ACADSB: variants seen among roughly 807,000 people sequenced by gnomAD.
ACADSB encodes short/branched chain specific acyl-CoA dehydrogenase, mitochondrial.
A neutral mutation model predicts 54.1 loss-of-function variants in ACADSB; 40 were observed. That is an observed-to-expected ratio of 0.74 (90% CI 0.57 to 0.96). The LOEUF (loss-of-function observed/expected upper bound fraction) is 0.96. Among genes scored for constraint, ACADSB ranks in the 40% least tolerant of loss-of-function variants. The pLI is 0.00. For missense variants in ACADSB, 530 were observed against 510.4 expected (o/e 1.04, Z -0.37); for synonymous variants, 182 against 182.8 (o/e 1.00, Z 0.03).
chr10:123,041,135 T>C (rs1215441051), intron 4 of ACADSB, 74 bp from the exon 5 acceptor site: 14 of 1,493,468 alleles, frequency 9.4e-6, no homozygotes, highest in Admixed American at 1.7e-5. Flanking sequence ...CAAATGTCCA[T>C]TTTTCCATAA....
intron 1 of ACADSB, among the ~76,000 whole-genome samples, chr10:123,030,174 A>G (rs1449982185): frequency 6.6e-6 from 1 of 152,160 alleles, no homozygotes; most frequent in Admixed American, 6.5e-5. Context: ...TACTATCACT[A>G]AATTGTCCAA....
chr10:123,030,806 G>C (rs1157793405), intron 1 of ACADSB, among the ~76,000 whole-genome samples: 1 of 152,138 alleles, frequency 6.6e-6, no homozygotes, highest in African/African-American at 2.4e-5. Context: ...ACATTCCACA[G>C]TCAGGAGTTC....
chr10:123,029,421 G>T (rs1430447068), intron 1 of ACADSB, among the ~76,000 whole-genome samples: 1 of 151,496 alleles, frequency 6.6e-6, no homozygotes, highest in Non-Finnish European at 1.5e-5. Context: ...CCTCTCCTCA[G>T]ATACAACCTC....
chr10:123,013,112 A>G (rs1208115610), intron 1 of ACADSB, among the ~76,000 whole-genome samples: 2 of 152,204 alleles, frequency 1.3e-5, no homozygotes, highest in Admixed American at 6.5e-5. Context: ...TTAGCTAGAC[A>G]TAAAGATTCT....
rs1467289595 is a variant in ACADSB at position 123,047,252 on chromosome 10, ATAT to A, written c.947_949del (p.Ile316del). On this transcript the variant is annotated inframe_deletion, in exon 8 of 11. Coordinates refer to ENST00000358776, the MANE Select transcript of ACADSB (RefSeq NM_001609.4). ...GGATGTTTTGACTACACTATTCCAT[ATAT>A]TAAAGAAAGGATACAATTTGGCAAA... The A allele has an allele frequency of 2.5e-6, 4 of 1,609,444 alleles. No individual in the cohort carries two copies. In the African/African-American group the frequency reaches 5.3e-5, roughly 22 times the overall value.
At chr10:123,028,755 G>A (rs1477590231) in intron 1 of ACADSB, among the ~76,000 whole-genome samples, 1 of 152,122 alleles carries the variant, frequency 6.6e-6, no homozygotes, top group Non-Finnish European at 1.5e-5. Context: ...TTTTTGCTGG[G>A]CATAATGGCT....
rs1422819872 is a variant in ACADSB, at chr10:123,053,047, C to T, written c.1129-14C>T. On this transcript the variant is annotated splice_polypyrimidine_tract_variant and intron_variant, in intron 9 of 10. Transcript: ENST00000358776. ...ATGTGGTTTCAGTGTGTGATTTGCA[C>T]TTGCTTTTGGTAGATTGCAGGACAA... 6 of 1,607,944 alleles carry T rather than the reference C, an allele frequency of 3.7e-6. No individual in the cohort carries two copies. Among genetic ancestry groups the T allele is most frequent in the Non-Finnish European group, 5.1e-6 (6 of 1,174,694 alleles).
At chr10:123,025,709 A>G (rs933880628) in intron 1 of ACADSB, among the ~76,000 whole-genome samples, 3 of 152,210 alleles carry the variant, frequency 2.0e-5, no homozygotes, top group Admixed American at 2.0e-4. Context: ...AGAAATACAA[A>G]TGGTTTGTAG....
intron 10 of ACADSB, 53 bp from the exon 11 acceptor site, chr10:123,053,642 G>A (rs572646316): frequency 6.7e-7 from 1 of 1,482,502 alleles, no homozygotes; most frequent in East Asian, 2.3e-5. Context: ...GCTATTTCTT[G>A]TCTTAACCAT....
At position 123,041,391 on chromosome 10, in the gene ACADSB, A is replaced by T. The variant is rs943499137; in HGVS notation, c.681+12A>T. 6 of 1,614,040 alleles carry T rather than the reference A, an allele frequency of 3.7e-6. No homozygotes were observed. In the Admixed American group the frequency reaches 1.0e-4, roughly 27 times the overall value. On this transcript the variant is annotated intron_variant, in intron 5 of 10. Coordinates refer to ENST00000358776, the MANE Select transcript of ACADSB (RefSeq NM_001609.4). ...TAGACCCTACCATTGTAAGTTTGAA[A>T]ACGAAATTTCTTTCTTTTTCCAAAC...
At position 123,052,636 on chromosome 10, in the gene ACADSB, C is replaced by G; in HGVS notation, c.1129-425C>G. 3.8e-6 allele frequency: 1 copy of G among 265,246 alleles called. No homozygotes were observed. Among genetic ancestry groups the G allele is most frequent in the Middle Eastern group, 1.4e-3 (1 of 708 alleles). The allele number at this position is 265,246 out of a possible 1,614,324, so 16.4% of individuals were successfully genotyped here. On this transcript the variant is annotated intron_variant, in intron 9 of 10. Transcript: ENST00000358776. This position sits in a 1 kb window ranked among gnomAD's most constrained non-coding sequence, Gnocchi z 4.2. Reference sequence around the variant, plus strand: ...GGGCCATTCTGCAGGGTCTCTCGCTCCTCCATTCTCTTTTCACATTTCACC... The same window carrying G: ...GGGCCATTCTGCAGGGTCTCTCGCTGCTCCATTCTCTTTTCACATTTCACC...
rs556038187 is a variant in ACADSB, at chr10:123,027,710, G to A, written c.43-6646G>A. The stretch of plus-strand genomic sequence containing the variant: ...CCCCTTGTTCCCATACAACGGGTGT[G>A]TATGGCCCCTTGGCAGATATCAATC... On this transcript the variant is annotated intron_variant, in intron 1 of 10. Transcript: ENST00000358776. 415 of 310,932 alleles carry A rather than the reference G, an allele frequency of 1.3e-3. 4 individuals carry two copies. Among genetic ancestry groups the A allele is most frequent in the Non-Finnish European group, 3.6e-4 (54 of 151,468 alleles). 19.3% of individuals were successfully genotyped at this position (310,932 alleles called of 1,614,324 possible).
rs761460424 is a variant in ACADSB at position 123,034,345 on chromosome 10, G to A, written c.43-11G>A. The A allele has an allele frequency of 1.9e-6, 3 of 1,612,932 alleles. No individual in the cohort carries two copies. Among genetic ancestry groups the A allele is most frequent in the Non-Finnish European group, 2.5e-6 (3 of 1,179,468 alleles). On this transcript the variant is annotated splice_polypyrimidine_tract_variant and intron_variant, in intron 1 of 10. Coordinates refer to ENST00000358776, the MANE Select transcript of ACADSB (RefSeq NM_001609.4). ...AAGTACCTTTCTTTCATGTGTGTAT[G>A]TTCCCTACAGCTAAGAAGAAATTTC... is the stretch of plus-strand genomic sequence containing the variant.
chr10:123,038,924 A>G (rs1008847172), intron 3 of ACADSB, among the ~76,000 whole-genome samples: 1 of 152,152 alleles, frequency 6.6e-6, no homozygotes, highest in Non-Finnish European at 1.5e-5. Flanking sequence ...GGCTTCTGGG[A>G]GCAGTCTCAC....
chr10:123,044,093 T>TG lies in ACADSB; in HGVS notation c.808-293dup, dbSNP rs67240350. Among the ~76,000 whole-genome samples, 15 of 151,862 alleles carry TG rather than the reference T, an allele frequency of 9.9e-5. 1 individual carries two copies. The highest frequency in any genetic ancestry group is 1.8e-4 in the Non-Finnish European group (12 of 67,960). On this transcript the variant is annotated intron_variant, in intron 6 of 10. Transcript: ENST00000358776. ...CACACTGTAGCCTACAGATAAGAAT[T>TG]GGGGGGGAAAAGTATTAATTTATGT...
At chr10:123,039,938 T>C (rs1290739435) in intron 3 of ACADSB, among the ~76,000 whole-genome samples, 1 of 152,242 alleles carries the variant, frequency 6.6e-6, no homozygotes, top group Non-Finnish European at 1.5e-5. Flanking sequence ...AATGATAGCA[T>C]ATAATTTTAT....
chr10:123,026,169 G>A (rs2133466078), intron 1 of ACADSB, among the ~76,000 whole-genome samples: 1 of 152,240 alleles, frequency 6.6e-6, no homozygotes, highest in South Asian at 2.1e-4. Flanking sequence ...TACTGTTTTG[G>A]CCAAGGCTCT....
In ACADSB at chr10:123,051,188, TAAAAAAAA is replaced by T. The variant is rs10571424; in HGVS notation, c.1128+19_1128+26del. The T allele has an allele frequency of 2.4e-3, 2,411 of 1,016,516 alleles. No individual in the cohort carries two copies. The highest frequency in any genetic ancestry group is 4.4e-3 in the Admixed American group (70 of 15,778). 63.0% of individuals were successfully genotyped at this position (1,016,516 alleles called of 1,614,324 possible). ...ATGGCCAAATACTATGCATCAGAGGTAAAAAAAAAAAAAAAAAAAAAAAAGGAAAAAGT... is the reference window on the plus strand; with the variant it reads ...ATGGCCAAATACTATGCATCAGAGGTAAAAAAAAAAAAAAAAGGAAAAAGT... On this transcript the variant is annotated splice_donor_5th_base_variant and intron_variant, in intron 9 of 10. Transcript: ENST00000358776.
intron 1 of ACADSB, among the ~76,000 whole-genome samples, chr10:123,014,889 G>T (rs897693270): frequency 2.0e-5 from 3 of 152,216 alleles, no homozygotes; most frequent in Admixed American, 6.5e-5. Context: ...GAAATAATAT[G>T]CCACTATAGG....
Sources: gnomAD v4.1 joint callset for allele counts (sites outside exome capture counted in the v4.1 genomes callset) on GRCh38, gnomAD v4.1.1 for gene constraint, Gnocchi (gnomAD v3.1) non-coding constraint, MANE v1.5 for transcripts, NCBI Gene and HGNC (gene_info 2026-07-23, HGNC 2026-07-21) for gene names.